The following CSMD3 variants were observed in gnomAD, a reference collection of about 807,000 sequenced individuals.
CSMD3 encodes CUB and sushi domain-containing protein 3.
CSMD3 carries 177 observed loss-of-function variants against 435.2 expected under a neutral mutation model. That is an observed-to-expected ratio of 0.41 (90% CI 0.36 to 0.46). CSMD3 has a LOEUF of 0.46. CSMD3 is among the 20% of genes least tolerant of loss of function. The pLI is 0.34. For synonymous variants in CSMD3, 1,656 were observed against 1,520.5 expected (o/e 1.09, Z -2.07); for missense variants, 4,265 against 4,504.6 (o/e 0.95, Z 1.52).
chr8:113,332,280 A>G (rs140174524), intron 1 of CSMD3, among the ~76,000 whole-genome samples: 224 of 150,832 alleles, frequency 1.5e-3, no homozygotes, highest in African/African-American at 5.3e-3. Context: ...TTGTCCATAC[A>G]GCATTACCAC....
chr8:112,711,921 T>G (rs1252606562), intron 13 of CSMD3, among the ~76,000 whole-genome samples: 2 of 152,008 alleles, frequency 1.3e-5, no homozygotes, highest in Admixed American at 1.3e-4. Flanking sequence ...CGACACCAAT[T>G]ATATATCAAG....
rs2074678661 is a variant in CSMD3 at position 112,636,967 on chromosome 8, G to C, written c.3565C>G (p.Gln1189Glu). 3 of 1,613,700 alleles carry C rather than the reference G, an allele frequency of 1.9e-6. No homozygotes were observed. The highest frequency in any genetic ancestry group is 2.7e-5 in the African/African-American group (2 of 74,976). Residue 1189 changes from glutamine to glutamate, a missense_variant, in exon 22 of 71, where the codon CAA becomes GAA. Physicochemically the swap from Gln to Glu is conservative, Grantham distance 29. This residue lies in a region of CSMD3 where 3,255 missense variants were observed against 3,380.2 expected (regional missense o/e 0.96). Transcript: ENST00000297405. ...TTGAACCCGATTCGACTACCATATT[G>C]AGGAATGCCAGGATCTTCACAAGGT... Reference protein sequence around the residue: ...LEPCEDPGIPQYGSRIGFNFG... With the variant: ...LEPCEDPGIPEYGSRIGFNFG...
chr8:112,983,456 C>T (rs2085127191), intron 6 of CSMD3, among the ~76,000 whole-genome samples: 1 of 151,266 alleles, frequency 6.6e-6, no homozygotes, highest in African/African-American at 2.4e-5. Flanking sequence ...ATCTTTCTCT[C>T]TGTGTACCTC....
At chr8:112,284,594 T>C (rs561840497) in intron 58 of CSMD3, among the ~76,000 whole-genome samples, 1 of 151,898 alleles carries the variant, frequency 6.6e-6, no homozygotes, top group African/African-American at 2.4e-5. Flanking sequence ...TATTAGATCA[T>C]GTAAACATAA....
chr8:113,003,815 A>G (rs2085954864), intron 6 of CSMD3, among the ~76,000 whole-genome samples: 1 of 152,062 alleles, frequency 6.6e-6, no homozygotes. Context: ...AAATCGCACA[A>G]GAGATTATCT....
intron 22 of CSMD3, among the ~76,000 whole-genome samples, chr8:112,602,167 C>A (rs1832407554): frequency 1.3e-5 from 2 of 152,124 alleles, no homozygotes; most frequent in Non-Finnish European, 2.9e-5. Flanking sequence ...ATATCTAATT[C>A]AATGATCCAA....
chr8:112,246,830 T>A (rs1245057786), intron 64 of CSMD3, among the ~76,000 whole-genome samples, 190 bp downstream of exon 64: 1 of 152,176 alleles, frequency 6.6e-6, no homozygotes, highest in Non-Finnish European at 1.5e-5. Flanking sequence ...CTTTCTGACT[T>A]ACTTAGAGAG....
At chr8:112,931,047 A>AATAAATTAGGTT (rs1271477496) in intron 9 of CSMD3, among the ~76,000 whole-genome samples, 1 of 152,114 alleles carries the variant, frequency 6.6e-6, no homozygotes, top group Non-Finnish European at 1.5e-5. Context: ...TTTTGAGTAG[A>AATAAATTAGGTT]ATAAATTAGG....
intron 47 of CSMD3, among the ~76,000 whole-genome samples, chr8:112,314,900 T>C (rs112429460): frequency 1.4e-3 from 220 of 152,050 alleles, no homozygotes; most frequent in Non-Finnish European, 2.6e-3. Flanking sequence ...ATGCCTCCTC[T>C]TTCTTCACAT....
chr8:113,234,951 A>T (rs1482946330), intron 3 of CSMD3, among the ~76,000 whole-genome samples: 1 of 152,102 alleles, frequency 6.6e-6, no homozygotes, highest in Non-Finnish European at 1.5e-5. Context: ...GCCACCAGCC[A>T]GGTGGTATTC....
intron 4 of CSMD3, among the ~76,000 whole-genome samples, chr8:113,113,496 G>A (rs2090727764): frequency 6.6e-6 from 1 of 152,154 alleles, no homozygotes; most frequent in Admixed American, 6.5e-5. Context: ...AACAAATAAT[G>A]TTTTTAAAGG....
At chr8:112,818,960 T>G (rs2079453963) in intron 12 of CSMD3, among the ~76,000 whole-genome samples, 1 of 152,212 alleles carries the variant, frequency 6.6e-6, no homozygotes, top group Non-Finnish European at 1.5e-5. Context: ...TATAAAATTA[T>G]CAGTTCAAGA....
chr8:113,408,936 G>C lies in CSMD3; in HGVS notation c.178+27741C>G, dbSNP rs144387314. Among the ~76,000 whole-genome samples, 154 of 152,032 alleles carry C rather than the reference G, an allele frequency of 1.0e-3. 1 individual carries two copies. Among genetic ancestry groups the C allele is most frequent in the African/African-American group, 3.6e-3 (148 of 41,498 alleles). Reference sequence around the variant, plus strand: ...TGGCTTTGATCTCCCAAAGTGCTCCGTATAGGCCGGGCTTGATGGCTAATG... The same window carrying C: ...TGGCTTTGATCTCCCAAAGTGCTCCCTATAGGCCGGGCTTGATGGCTAATG... On this transcript the variant is annotated intron_variant, in intron 1 of 70. Coordinates refer to ENST00000297405, the MANE Select transcript of CSMD3 (RefSeq NM_198123.2).
intron 41 of CSMD3, among the ~76,000 whole-genome samples, chr8:112,343,813 GT>G (rs916100311): frequency 4.6e-5 from 7 of 151,478 alleles, no homozygotes; most frequent in African/African-American, 1.7e-4. Flanking sequence ...TGTGTGGCTA[GT>G]TTTTTTTTAT....
chr8:112,277,305 T>C (rs962432620), intron 59 of CSMD3, among the ~76,000 whole-genome samples: 4 of 152,276 alleles, frequency 2.6e-5, no homozygotes, highest in African/African-American at 9.6e-5. Context: ...AAGTTCAAAG[T>C]TCCACAAATC....
chr8:113,020,803 A>G (rs1270681252), intron 5 of CSMD3, among the ~76,000 whole-genome samples: 1 of 152,184 alleles, frequency 6.6e-6, no homozygotes, highest in Admixed American at 6.5e-5. Context: ...GCAATTAGTC[A>G]TGCTAGGGGA....
chr8:113,242,329 T>C (rs922264070), intron 3 of CSMD3, among the ~76,000 whole-genome samples: 1 of 151,988 alleles, frequency 6.6e-6, no homozygotes, highest in African/African-American at 2.4e-5. Context: ...TGCTGTCAGA[T>C]ATCAACTTAG....
intron 1 of CSMD3, among the ~76,000 whole-genome samples, chr8:113,361,238 TG>T (rs2094273846): frequency 6.6e-6 from 1 of 152,170 alleles, no homozygotes; most frequent in African/African-American, 2.4e-5. Context: ...TTAGCACTGA[TG>T]TTACACTTTT....
At chr8:112,768,544 G>A (rs1324066580) in intron 13 of CSMD3, among the ~76,000 whole-genome samples, 1 of 151,874 alleles carries the variant, frequency 6.6e-6, no homozygotes, top group Admixed American at 6.6e-5. Flanking sequence ...CATTTTTAGA[G>A]TGAAGCTTTG....
Sources: gnomAD v4.1 joint callset for allele counts (sites outside exome capture counted in the v4.1 genomes callset) on GRCh38, gnomAD v4.1.1 for gene constraint, gnomAD v4.1.1 regional missense constraint, MANE v1.5 for transcripts, NCBI Gene and HGNC (gene_info 2026-07-23, HGNC 2026-07-21) for gene names.